Variants in PTPA observed in about 807,000 individuals in gnomAD.
PTPA encodes the protein serine/threonine-protein phosphatase 2A activator.
Under a neutral mutation model 43.6 loss-of-function variants are expected in PTPA, and 13 were observed. The ratio of observed to expected loss-of-function variants is 0.30; its 90% confidence interval spans 0.19 to 0.47. The LOEUF (loss-of-function observed/expected upper bound fraction) is 0.47. Ranked by LOEUF, PTPA falls within the 20% of genes least tolerant of loss-of-function variation. The probability of loss-of-function intolerance (pLI) is 0.99; values close to 1 mark genes in which losing one functional copy is unlikely to be tolerated. For missense variants in PTPA, 329 were observed against 411.9 expected, an observed-to-expected ratio of 0.80 and a Z score of 1.74; for synonymous variants, 172 against 158.2, an observed-to-expected ratio of 1.09 and a Z score of -0.66.
chr9:129,145,314 G>A (rs1338677253), intron 9 of PTPA, among the ~76,000 whole-genome samples: 2 of 151,136 alleles, frequency 1.3e-5, no homozygotes, highest in Non-Finnish European at 2.9e-5. Context: ...CTGGGCAACA[G>A]CGAGACTCCA....
intron 9 of PTPA, among the ~76,000 whole-genome samples, chr9:129,145,134 C>T (rs1851209409): frequency 6.6e-6 from 1 of 152,134 alleles, no homozygotes; most frequent in Non-Finnish European, 1.5e-5. Context: ...AGTTCATGAC[C>T]AGCCTGGCCA....
chr9:129,143,233 C>T, intron 9 of PTPA: 1 of 675,384 alleles, frequency 1.5e-6, no homozygotes, highest in Non-Finnish European at 2.7e-6. Flanking sequence ...CATTTTATTT[C>T]TACTCTGTCC....
chr9:129,142,878 TC>T, intron 9 of PTPA: 1 of 1,509,244 alleles, frequency 6.6e-7, no homozygotes, highest in Non-Finnish European at 8.8e-7. Flanking sequence ...GGCCAAAGGC[TC>T]CTCAAAGCTC....
chr9:129,137,990 G>A (rs886759289), intron 8 of PTPA: 3 of 414,848 alleles, frequency 7.2e-6, no homozygotes, highest in Non-Finnish European at 1.4e-5. Context: ...AGGTCTGAAA[G>A]GGTCGGGGCG....
intron 8 of PTPA, chr9:129,140,187 TCA>T (rs1177571404): frequency 6.6e-5 from 10 of 152,624 alleles, no homozygotes; most frequent in Admixed American, 5.2e-4. Flanking sequence ...CTGCTCTGAC[TCA>T]CACGATTCCC....
chr9:129,114,779 G>A (rs1848761158), intron 1 of PTPA, among the ~76,000 whole-genome samples: 1 of 152,164 alleles, frequency 6.6e-6, no homozygotes, highest in Non-Finnish European at 1.5e-5. Flanking sequence ...TATAACCTGA[G>A]GCTGGAGAGA....
intron 8 of PTPA, chr9:129,139,283 C>G (rs969798870): frequency 7.9e-5 from 12 of 152,190 alleles, no homozygotes; most frequent in Admixed American, 1.3e-4. Flanking sequence ...AGTTTGGGAC[C>G]CAGTTCCTCC....
intron 5 of PTPA, 62 bp from the exon 6 acceptor site, chr9:129,134,733 A>G: frequency 7.3e-7 from 1 of 1,368,172 alleles, no homozygotes; most frequent in Non-Finnish European, 1.0e-6. Flanking sequence ...ATTCTGGGAG[A>G]CTAAAACAAT....
intron 3 of PTPA, among the ~76,000 whole-genome samples, chr9:129,125,633 A>G (rs780140733): frequency 1.3e-5 from 2 of 152,092 alleles, no homozygotes; most frequent in African/African-American, 2.4e-5. Flanking sequence ...CTAGTTTCAT[A>G]ACTTGTGAAT....
chr9:129,111,319 T>A, upstream of PTPA: 2 of 1,122,304 alleles, frequency 1.8e-6, no homozygotes, highest in Admixed American at 5.1e-5. Context: ...TTGGCGCGCA[T>A]GCGCCCCGCG....
At chr9:129,139,582 T>C (rs1850619981) in intron 8 of PTPA, 1 of 152,232 alleles carries the variant, frequency 6.6e-6, no homozygotes, top group Non-Finnish European at 1.5e-5. Flanking sequence ...ACACGTTGTG[T>C]TGGTTCTCCA....
intron 7 of PTPA, 141 bp downstream of exon 7, chr9:129,136,736 C>T (rs762823204): frequency 2.4e-5 from 28 of 1,152,934 alleles, no homozygotes; most frequent in African/African-American, 3.1e-5. Context: ...GGGCATTAGA[C>T]CAGCTATTGA....
chr9:129,120,274 A>T (rs75868167), intron 1 of PTPA, among the ~76,000 whole-genome samples: 2 of 139,118 alleles, frequency 1.4e-5, no homozygotes, highest in Non-Finnish European at 3.2e-5. Flanking sequence ...AAAAAAAAAA[A>T]TTAGCTGGGT....
chr9:129,122,522 C>G (rs949294598), intron 2 of PTPA, among the ~76,000 whole-genome samples: 2 of 152,150 alleles, frequency 1.3e-5, no homozygotes, highest in East Asian at 1.9e-4. Context: ...CATCTGCACT[C>G]CAACTAGACA....
intron 2 of PTPA, among the ~76,000 whole-genome samples, chr9:129,122,092 G>T (rs1465256301): frequency 1.3e-5 from 2 of 152,024 alleles, no homozygotes; most frequent in Admixed American, 1.3e-4. Flanking sequence ...CTCTCTAGGG[G>T]CCTGCACCTC....
At chr9:129,129,900 C>T (rs1350665014) in intron 4 of PTPA, among the ~76,000 whole-genome samples, 5 of 152,070 alleles carry the variant, frequency 3.3e-5, no homozygotes, top group Admixed American at 3.3e-4. Flanking sequence ...AGCAAGACCC[C>T]GTTACTGCAA....
At chr9:129,145,489 C>T (rs753810662) in intron 9 of PTPA, among the ~76,000 whole-genome samples, 1 of 152,184 alleles carries the variant, frequency 6.6e-6, no homozygotes, top group Non-Finnish European at 1.5e-5. Context: ...CAGGCCAGTT[C>T]TTAGCCCCTA....
In PTPA at chr9:129,132,192, C is replaced by CTG. The variant is rs1588511898; in HGVS notation, c.460+553_460+554insTG. ...TTTAAAAGGGAAGTGTAGACAGGTGCAGTGGTGCGTGCCTGTAATCCTAGC... is the reference window on the plus strand; with the variant it reads ...TTTAAAAGGGAAGTGTAGACAGGTGCTGAGTGGTGCGTGCCTGTAATCCTAGC... On this transcript the variant is annotated intron_variant, in intron 5 of 9. Coordinates refer to ENST00000393370, the MANE Select transcript of PTPA (RefSeq NM_178000.3). Among the ~76,000 whole-genome samples, 6 of 152,098 alleles carry CTG rather than the reference C, an allele frequency of 3.9e-5. 1 individual carries two copies. In the East Asian group the frequency reaches 1.2e-3, roughly 29 times the overall value.
At position 129,111,540 on chromosome 9, in the gene PTPA, T is replaced by C; in HGVS notation, c.-61T>C. ...TGGAGCCGGGGAGAGGAAGGGTGGGTGCAAGAGTGAAAGGCGAGAGGGGAC... is the reference window on the plus strand; with the variant it reads ...TGGAGCCGGGGAGAGGAAGGGTGGGCGCAAGAGTGAAAGGCGAGAGGGGAC... On this transcript the variant is annotated 5_prime_UTR_variant, in exon 1 of 10. Transcript: ENST00000393370. 1 of 1,287,932 alleles carries C rather than the reference T, an allele frequency of 7.8e-7. No homozygotes were observed. Among genetic ancestry groups the C allele is most frequent in the Non-Finnish European group, 9.9e-7 (1 of 1,009,830 alleles). The allele number at this position is 1,287,932 out of a possible 1,614,324, so 79.8% of individuals were successfully genotyped here. A position where few individuals can be genotyped will look rare whatever the true frequency, so the allele number is the denominator to read the frequency against.
Sources: allele counts gnomAD v4.1 joint callset (sites outside exome capture counted in the v4.1 genomes callset), GRCh38; gene constraint gnomAD v4.1.1; transcripts MANE v1.5; gene names NCBI Gene and HGNC (gene_info 2026-07-23, HGNC 2026-07-21).